The following AHCTF1 variants were observed in gnomAD, a reference collection of about 807,000 sequenced individuals.
The protein encoded by AHCTF1 is AT-hook containing transcription factor 1, also known as protein ELYS.
A neutral mutation model predicts 248.4 loss-of-function variants in AHCTF1; 24 were observed. The ratio of observed to expected loss-of-function variants is 0.10; its 90% CI spans 0.07 to 0.14. The LOEUF (loss-of-function observed/expected upper bound fraction) is 0.14, where lower values mean the gene tolerates loss of function less well. Ranked by LOEUF, AHCTF1 falls within the 10% of genes least tolerant of loss-of-function variation. AHCTF1 has a pLI of 1.00. For synonymous variants in AHCTF1, 786 were observed against 929.8 expected, an observed-to-expected ratio of 0.85 and a Z score of 2.81; for missense variants, 2,206 against 2,636.2, an observed-to-expected ratio of 0.84 and a Z score of 3.57.
intron 12 of AHCTF1, among the ~76,000 whole-genome samples, chr1:246,896,874 A>C (rs1022669567): frequency 6.6e-6 from 1 of 152,234 alleles, no homozygotes; most frequent in Non-Finnish European, 1.5e-5. Context: ...GGAATTACAT[A>C]ATGGTCCACA....
chr1:246,843,319 G>T, intron 34 of AHCTF1, among the ~76,000 whole-genome samples: 1 of 152,224 alleles, frequency 6.6e-6, no homozygotes, highest in South Asian at 2.1e-4. Flanking sequence ...TATCTCAGTT[G>T]AACTGTAGGT....
In AHCTF1 at chr1:246,899,357, T is replaced by G. The variant is rs989527792; in HGVS notation, c.1494+94A>C. 6 of 1,025,590 alleles carry G rather than the reference T, an allele frequency of 5.9e-6. No homozygotes were observed. The African/African-American group carries it at 1.0e-4, about 17-fold the overall frequency. 63.5% of individuals were successfully genotyped at this position (1,025,590 alleles called of 1,614,324 possible). ...AAGCTACCATTTAAGCTGAAACAAC[T>G]GTCAATATCACTAAGTAAAACTTAA... is the stretch of plus-strand genomic sequence containing the variant. On this transcript the variant is annotated intron_variant, in intron 11 of 35. Transcript: ENST00000648844.
At chr1:246,869,365 T>C (rs775045527) in intron 24 of AHCTF1, among the ~76,000 whole-genome samples, 6 of 151,798 alleles carry the variant, frequency 4.0e-5, no homozygotes, top group Admixed American at 1.3e-4. Flanking sequence ...AAAGGAGGAG[T>C]CACATGTCTA....
intron 24 of AHCTF1, among the ~76,000 whole-genome samples, chr1:246,868,506 C>T (rs759888265): frequency 8.0e-4 from 121 of 151,646 alleles, no homozygotes; most frequent in Non-Finnish European, 1.1e-3. Flanking sequence ...CCTCCCTCCT[C>T]GGCCTCTCAA....
chr1:246,923,157 G>A (rs781554840), intron 1 of AHCTF1, among the ~76,000 whole-genome samples: 78 of 149,172 alleles, frequency 5.2e-4, no homozygotes, highest in Non-Finnish European at 9.0e-4. Context: ...GCCCATGCCT[G>A]TAATCCCAGC....
At chr1:246,894,797 C>T in intron 13 of AHCTF1, 49 bp from the exon 14 acceptor site, 2 of 1,509,882 alleles carry the variant, frequency 1.3e-6, no homozygotes, top group Non-Finnish European at 1.8e-6. Context: ...TAATTACAAA[C>T]AGAGTTCTAA....
At chr1:246,864,602 G>A (rs1661820953) in intron 26 of AHCTF1, among the ~76,000 whole-genome samples, 2 of 22,060 alleles carry the variant, frequency 9.1e-5, no homozygotes, top group Non-Finnish European at 6.5e-5. Context: ...TTGGGAGGCC[G>A]AGGCGGGTGG....
intron 21 of AHCTF1, among the ~76,000 whole-genome samples, chr1:246,885,086 A>G (rs1012072129): frequency 1.3e-5 from 2 of 152,196 alleles, no homozygotes; most frequent in Non-Finnish European, 2.9e-5. Flanking sequence ...TATTCAAGGT[A>G]TTTATCTTAT....
rs1483432864 is a variant in AHCTF1, at chr1:246,839,861, T to TA, written c.*944_*945insT. 3.3e-5 allele frequency: 5 copies of TA among 152,634 alleles called. No individual in the cohort carries two copies. Among genetic ancestry groups the TA allele is most frequent in the Non-Finnish European group, 5.9e-5 (4 of 68,056 alleles). The allele number at this position is 152,634 out of a possible 1,614,324, so 9.5% of individuals were successfully genotyped here. ...GAGAACAGGGCGTGTGTTGTTTTTCTCCTTTTCTACATCTACTCACTCTCT... is the reference window on the plus strand; with the variant it reads ...GAGAACAGGGCGTGTGTTGTTTTTCTACCTTTTCTACATCTACTCACTCTCT... On this transcript the variant is annotated 3_prime_UTR_variant, in exon 36 of 36. Coordinates refer to ENST00000648844, the MANE Select transcript of AHCTF1 (RefSeq NM_001323342.2).
Position 246,925,890 on chromosome 1 carries a change from C to A in AHCTF1, c.-8+5688G>T, listed in dbSNP as rs563054154. Among the ~76,000 whole-genome samples, 5 of 152,062 alleles carry A rather than the reference C, an allele frequency of 3.3e-5. No individual in the cohort carries two copies. The South Asian group carries it at 1.0e-3, about 32-fold the overall frequency. The stretch of plus-strand genomic sequence containing the variant: ...TTTGACACCAGCCTGGGCCACATGG[C>A]GAAATCTCATCTCTACGAAAAATAA... On this transcript the variant is annotated intron_variant, in intron 1 of 35. Coordinates refer to ENST00000648844, the MANE Select transcript of AHCTF1 (RefSeq NM_001323342.2).
Position 246,853,287 on chromosome 1 carries a change from A to T in AHCTF1, c.4367T>A (p.Val1456Asp). ...CGAGGAGTTTCCACCATCACCAAGG[A>T]CATCAGCCATAGCTGAAAGAAAAAT... The part of the protein sequence containing the change: ...RANDNKSMAD[V>D]LGDGGNSSLT... Residue 1456 changes from valine to aspartate, a missense_variant, in exon 32 of 36, where the codon GTC (valine) becomes GAC (aspartate). Physicochemically the swap from Val to Asp is radical, Grantham distance 152 (BLOSUM62 -3). Around this residue, in one of 6 missense-constraint regions of AHCTF1, gnomAD observed 955 missense variants for 1,055.6 expected, o/e 0.90. Transcript: ENST00000648844. 2.5e-6 allele frequency: 4 copies of T among 1,611,146 alleles called. No individual in the cohort carries two copies. The highest frequency in any genetic ancestry group is 3.4e-6 in the Non-Finnish European group (4 of 1,178,846).
Position 246,918,281 on chromosome 1 carries a change from T to C in AHCTF1, c.90A>G (p.Leu30=). 1 of 1,611,524 alleles carries C rather than the reference T, an allele frequency of 6.2e-7. No homozygotes were observed. Among genetic ancestry groups the C allele is most frequent in the Non-Finnish European group, 8.5e-7 (1 of 1,179,414 alleles). ...LQALGEDEIT[L]ESVLRGKFAA... Reference sequence around the variant, plus strand: ...CAAACTTTCCACGAAGCACAGATTCTAATGTTATTTCGTCTTCTCCAAGGG... The same window carrying C: ...CAAACTTTCCACGAAGCACAGATTCCAATGTTATTTCGTCTTCTCCAAGGG... Residue 30 remains leucine (L), a synonymous_variant, in exon 2 of 36, where the codon TTA becomes TTG. Coordinates refer to ENST00000648844, the MANE Select transcript of AHCTF1 (RefSeq NM_001323342.2).
At chr1:246,920,250 T>A (rs1666443419) in intron 1 of AHCTF1, among the ~76,000 whole-genome samples, 1 of 150,788 alleles carries the variant, frequency 6.6e-6, no homozygotes, top group South Asian at 2.1e-4. Context: ...GGACTTCAGA[T>A]ATTGAAATTA....
chr1:246,843,916 T>G lies in AHCTF1; in HGVS notation c.6404A>C (p.Glu2135Ala), dbSNP rs1660058824. 1 of 1,460,936 alleles carries G rather than the reference T, an allele frequency of 6.8e-7. No homozygotes were observed. Among genetic ancestry groups the G allele is most frequent in the African/African-American group, 1.4e-5 (1 of 69,226 alleles). 90.5% of individuals were successfully genotyped at this position (1,460,936 alleles called of 1,614,324 possible). A position where few individuals can be genotyped will look rare whatever the true frequency, so the allele number is the denominator to read the frequency against. ...VPRKAKAKKI[E>A]VPAQLKELVS... Reference sequence around the variant, plus strand: ...TAATTCTTTCAGCTGTGCAGGAACCTCTATTTTTTTAGCTAAAAAAAGTTG... The same window carrying G: ...TAATTCTTTCAGCTGTGCAGGAACCGCTATTTTTTTAGCTAAAAAAAGTTG... Residue 2135 changes from glutamate to alanine, a missense_variant, in exon 34 of 36, where the codon GAG becomes GCG. By Grantham distance (107) the Glu-to-Ala change is moderately radical. Coordinates refer to ENST00000648844, the MANE Select transcript of AHCTF1 (RefSeq NM_001323342.2).
chr1:246,907,418 CTCAA>C (rs1665471267), intron 5 of AHCTF1, 129 bp downstream of exon 5: 6 of 758,784 alleles, frequency 7.9e-6, no homozygotes, highest in Non-Finnish European at 1.2e-5. Context: ...AATTAGTCAT[CTCAA>C]TCATTCATTC....
chr1:246,912,508 G>A lies in AHCTF1; in HGVS notation c.556+724C>T, dbSNP rs928907160. Among the ~76,000 whole-genome samples, 9 of 150,558 alleles carry A rather than the reference G, an allele frequency of 6.0e-5. No homozygotes were observed. The East Asian group carries it at 1.4e-3, about 23-fold the overall frequency. On this transcript the variant is annotated intron_variant, in intron 4 of 35. Coordinates refer to ENST00000648844, the MANE Select transcript of AHCTF1 (RefSeq NM_001323342.2). ...AAAAAAAAAAAACAAAACCAAGAAC[G>A]TCCTCACAAAGCCAAAGTCAAAATT...
intron 1 of AHCTF1, among the ~76,000 whole-genome samples, chr1:246,924,063 A>T (rs1666764825): frequency 6.6e-6 from 1 of 152,144 alleles, no homozygotes; most frequent in African/African-American, 2.4e-5. Flanking sequence ...TCCCCCTCCT[A>T]TCTATTGAGT....
intron 32 of AHCTF1, 24 bp from the exon 33 acceptor site, chr1:246,851,466 C>G: frequency 6.4e-7 from 1 of 1,565,424 alleles, no homozygotes; most frequent in Non-Finnish European, 8.6e-7. Flanking sequence ...AGATAAGAGA[C>G]TGGTTAAAGA....
At chr1:246,885,185 C>G (rs1663727483) in intron 21 of AHCTF1, among the ~76,000 whole-genome samples, 2 of 152,176 alleles carry the variant, frequency 1.3e-5, no homozygotes, top group Non-Finnish European at 2.9e-5. Flanking sequence ...AAATATTATA[C>G]AGTTGTCCCT....
Sources: allele counts gnomAD v4.1 joint callset (sites outside exome capture counted in the v4.1 genomes callset), GRCh38; gene constraint gnomAD v4.1.1; regional missense constraint gnomAD v4.1.1; transcripts MANE v1.5; gene names NCBI Gene and HGNC (gene_info 2026-07-23, HGNC 2026-07-21).